Variants in DIAPH3 observed in about 807,000 individuals in gnomAD.
DIAPH3 encodes protein diaphanous homolog 3.
Under a neutral mutation model 144.3 loss-of-function variants are expected in DIAPH3, and 117 were observed. The observed-to-expected ratio is 0.81, with a 90% CI of 0.70 to 0.95. The LOEUF is 0.95. Ranked by LOEUF, DIAPH3 falls within the 40% of genes least tolerant of loss-of-function variation. The probability of loss-of-function intolerance (pLI) is 0.00; values close to 1 mark genes in which losing one functional copy is unlikely to be tolerated. For synonymous variants in DIAPH3, 519 were observed against 488.9 expected (o/e 1.06, Z -0.81); for missense variants, 1,421 against 1,412.7 (o/e 1.01, Z -0.09).
At chr13:59,932,509 A>G (rs2048068234) in intron 17 of DIAPH3, among the ~76,000 whole-genome samples, 3 of 152,122 alleles carry the variant, frequency 2.0e-5, no homozygotes, top group African/African-American at 7.2e-5. Context: ...TCTTTTCACT[A>G]TCTATGAAGT....
intron 17 of DIAPH3, among the ~76,000 whole-genome samples, chr13:59,955,056 ATT>A (rs1179727386): frequency 6.9e-6 from 1 of 144,940 alleles, no homozygotes; most frequent in African/African-American, 2.6e-5. Flanking sequence ...TTTATGGAAT[ATT>A]CTTTCATATA....
In DIAPH3 at chr13:59,833,267, A is replaced by G; in HGVS notation, c.2867T>C (p.Phe956Ser). Residue 956 changes from phenylalanine to serine, a missense_variant, in exon 24 of 28, where the codon TTT (phenylalanine) becomes TCT (serine). Physicochemically the swap from Phe to Ser is radical, Grantham distance 155. Coordinates refer to ENST00000400324, the MANE Select transcript of DIAPH3 (RefSeq NM_001042517.2). ...HDKFVTKMSRFVISAKEQYET... is the reference protein window; with the variant it reads ...HDKFVTKMSRSVISAKEQYET... ...ATATTGTTCTTTTGCACTGATAACAAATCTGTATACTATAGTTAAGGTATT... is the reference window on the plus strand; with the variant it reads ...ATATTGTTCTTTTGCACTGATAACAGATCTGTATACTATAGTTAAGGTATT... 4.4e-6 allele frequency: 7 copies of G among 1,606,400 alleles called. No individual in the cohort carries two copies. The highest frequency in any genetic ancestry group is 6.0e-6 in the Non-Finnish European group (7 of 1,175,106).
chr13:60,157,137 G>T (rs1432047317), intron 1 of DIAPH3, among the ~76,000 whole-genome samples: 2 of 151,580 alleles, frequency 1.3e-5, no homozygotes, highest in Non-Finnish European at 2.9e-5. Context: ...TAGAGACGGG[G>T]TTTCACCATG....
At chr13:59,783,374 G>A (rs1298728046) in intron 25 of DIAPH3, among the ~76,000 whole-genome samples, 1 of 152,108 alleles carries the variant, frequency 6.6e-6, no homozygotes, top group Non-Finnish European at 1.5e-5. Context: ...GATAGAATGA[G>A]TTGGATCTAG....
intron 22 of DIAPH3, among the ~76,000 whole-genome samples, chr13:59,852,280 A>G (rs1298827611): frequency 1.3e-5 from 2 of 152,210 alleles, no homozygotes; most frequent in Non-Finnish European, 2.9e-5. Flanking sequence ...AGGTTTTCCT[A>G]TGAGCGTGAA....
At chr13:59,774,318 G>A in intron 26 of DIAPH3, 70 bp from the exon 27 acceptor site, 1 of 1,299,814 alleles carries the variant, frequency 7.7e-7, no homozygotes, top group Non-Finnish European at 1.1e-6. Context: ...AACAGTATTA[G>A]ACATACTTTT....
At chr13:59,855,783 T>C (rs998534873) in intron 22 of DIAPH3, among the ~76,000 whole-genome samples, 1 of 151,384 alleles carries the variant, frequency 6.6e-6, no homozygotes, top group African/African-American at 2.4e-5. Context: ...TTTGGAAAGG[T>C]GTCAAGAGAT....
At chr13:59,734,741 T>C (rs537326285) in intron 27 of DIAPH3, among the ~76,000 whole-genome samples, 2 of 152,218 alleles carry the variant, frequency 1.3e-5, no homozygotes, top group African/African-American at 2.4e-5. Context: ...AATTCCACCA[T>C]GCAGAAAGGT....
intron 22 of DIAPH3, chr13:59,861,152 G>T: frequency 8.3e-7 from 1 of 1,204,550 alleles, no homozygotes; most frequent in Non-Finnish European, 1.1e-6. Context: ...AGGGCTAGCA[G>T]GTATCTACAA....
intron 4 of DIAPH3, among the ~76,000 whole-genome samples, chr13:60,065,910 G>T (rs942081783): frequency 6.6e-6 from 1 of 151,992 alleles, no homozygotes; most frequent in Admixed American, 6.6e-5. Context: ...TCATTGTTTT[G>T]GATGATATAT....
chr13:59,910,176 T>TAA (rs35063217), intron 20 of DIAPH3, among the ~76,000 whole-genome samples: 33,686 of 144,474 alleles, frequency 0.23, 4,917 homozygotes, highest in Admixed American at 0.38. Flanking sequence ...AAAACATAGG[T>TAA]AAAAAAAAAA....
At chr13:59,723,959 T>TAAAAAAAA (rs144643410) in intron 27 of DIAPH3, among the ~76,000 whole-genome samples, 2 of 133,792 alleles carry the variant, frequency 1.5e-5, no homozygotes, top group Non-Finnish European at 1.6e-5. Context: ...TGTTAAAAGT[T>TAAAAAAAA]AAAAAAAAAA....
chr13:59,992,535 A>C lies in DIAPH3; in HGVS notation c.1063T>G (p.Leu355Val). The C allele has an allele frequency of 6.2e-7, 1 of 1,612,284 alleles. No homozygotes were observed. The highest frequency in any genetic ancestry group is 2.2e-5 in the East Asian group (1 of 44,722). ...TTTCTGATGTGAAGCCTGAAATCCA[A>C]ATCATCAGGAGATGTAACCAGGGCA... Reference protein sequence around the residue: ...INALVTSPDDLDFRLHIRNEF... With the variant: ...INALVTSPDDVDFRLHIRNEF... The change falls in exon 10 of 28, where the codon TTG becomes GTG. Residue 355 changes from leucine to valine, a missense_variant. Transcript: ENST00000400324.
intron 27 of DIAPH3, among the ~76,000 whole-genome samples, chr13:59,678,075 T>G (rs1031979230): frequency 2.0e-5 from 3 of 152,206 alleles, no homozygotes; most frequent in Non-Finnish European, 2.9e-5. Flanking sequence ...TTATTAAATC[T>G]AATTCTCCTT....
intron 25 of DIAPH3, among the ~76,000 whole-genome samples, chr13:59,802,155 C>T (rs341536): frequency 0.77 from 117,851 of 152,142 alleles, 45,764 homozygotes; most frequent in East Asian, 0.88. Context: ...ACTGATATTT[C>T]CATCTTGAAA....
chr13:60,025,628 G>A (rs1029512646), intron 5 of DIAPH3, among the ~76,000 whole-genome samples: 1 of 151,498 alleles, frequency 6.6e-6, no homozygotes, highest in Non-Finnish European at 1.5e-5. Flanking sequence ...GCTAAAATGA[G>A]GTCAAAGAAA....
At chr13:60,011,192 T>C (rs1188243603) in intron 7 of DIAPH3, among the ~76,000 whole-genome samples, 1 of 152,062 alleles carries the variant, frequency 6.6e-6, no homozygotes, top group Non-Finnish European at 1.5e-5. Flanking sequence ...TAACTCAAGG[T>C]GATCTTACAA....
At chr13:59,917,015 T>C (rs1670292727) in intron 18 of DIAPH3, among the ~76,000 whole-genome samples, 1 of 152,174 alleles carries the variant, frequency 6.6e-6, no homozygotes, top group Admixed American at 6.5e-5. Flanking sequence ...GTTCAACCCT[T>C]ATTGTACTAT....
intron 4 of DIAPH3, among the ~76,000 whole-genome samples, chr13:60,070,827 T>G (rs2057178684): frequency 6.6e-6 from 1 of 152,244 alleles, no homozygotes. Flanking sequence ...ACTACCCATG[T>G]CAGTATTCCT....
Sources: allele counts gnomAD v4.1 joint callset (sites outside exome capture counted in the v4.1 genomes callset), GRCh38; gene constraint gnomAD v4.1.1; transcripts MANE v1.5; gene names NCBI Gene and HGNC (gene_info 2026-07-23, HGNC 2026-07-21).